The following ROCK1 variants were observed in gnomAD, a reference collection of about 807,000 sequenced individuals.
ROCK1 encodes the protein Rho associated coiled-coil containing protein kinase 1, also known as rho-associated protein kinase 1.
ROCK1 carries 36 observed loss-of-function variants against 196.8 expected under a neutral mutation model. The ratio of observed to expected loss-of-function variants is 0.18; its 90% CI spans 0.14 to 0.24. The LOEUF (loss-of-function observed/expected upper bound fraction) is 0.24, where lower values mean the gene tolerates loss of function less well. Ranked by LOEUF, ROCK1 falls within the 10% of genes least tolerant of loss-of-function variation. The pLI, the probability that ROCK1 is intolerant of heterozygous loss-of-function variation, is 1.00. For synonymous variants in ROCK1, 443 were observed against 515.9 expected (o/e 0.86, Z 1.91); for missense variants, 920 against 1,562.0 (o/e 0.59, Z 6.93).
At chr18:21,014,450 A>G (rs1054163704) in intron 13 of ROCK1, among the ~76,000 whole-genome samples, 1 of 152,180 alleles carries the variant, frequency 6.6e-6, no homozygotes, top group African/African-American at 2.4e-5. Context: ...CTCTTACTCC[A>G]TCTTTCTAGA....
chr18:21,098,918 A>G (rs2036634116), intron 1 of ROCK1, among the ~76,000 whole-genome samples: 1 of 152,248 alleles, frequency 6.6e-6, no homozygotes, highest in Non-Finnish European at 1.5e-5. Context: ...TAAATGGACA[A>G]AAATTCAAAA....
intron 1 of ROCK1, among the ~76,000 whole-genome samples, chr18:21,090,040 G>T (rs796907979): frequency 5.3e-5 from 8 of 152,300 alleles, no homozygotes; most frequent in African/African-American, 1.7e-4. Context: ...AATGGTTTCT[G>T]AACTTTTTGC....
chr18:21,056,067 T>C (rs2036242689), intron 2 of ROCK1, among the ~76,000 whole-genome samples: 1 of 152,176 alleles, frequency 6.6e-6, no homozygotes, highest in African/African-American at 2.4e-5. Flanking sequence ...CCTTAGTAGT[T>C]TTCAGTTGCC....
chr18:20,970,558 C>T (rs747574617), intron 22 of ROCK1, 45 bp from the exon 23 acceptor site: 2 of 1,325,774 alleles, frequency 1.5e-6, no homozygotes, highest in South Asian at 2.7e-5. Flanking sequence ...AAATTCAGTT[C>T]ATCCTTCCAA....
chr18:21,057,909 G>A (rs543420808), intron 2 of ROCK1, among the ~76,000 whole-genome samples: 13 of 152,272 alleles, frequency 8.5e-5, no homozygotes, highest in East Asian at 3.9e-4. Context: ...CTAAGGAAAT[G>A]AGATACAATG....
intron 29 of ROCK1, among the ~76,000 whole-genome samples, chr18:20,959,494 G>T (rs1038988068): frequency 6.6e-6 from 1 of 151,328 alleles, no homozygotes; most frequent in East Asian, 2.0e-4. Flanking sequence ...TTACAGGTGT[G>T]AGTCACCGCA....
chr18:21,028,973 T>C (rs1338966815), intron 9 of ROCK1, 38 bp from the exon 10 acceptor site: 1 of 1,588,118 alleles, frequency 6.3e-7, no homozygotes, highest in Non-Finnish European at 8.6e-7. Flanking sequence ...ACTTCAAACT[T>C]AAAATACAAG....
At chr18:20,952,241 C>T (rs2035195730) in intron 32 of ROCK1, among the ~76,000 whole-genome samples, 1 of 151,672 alleles carries the variant, frequency 6.6e-6, no homozygotes, top group South Asian at 2.1e-4. Context: ...AATTAGCAGG[C>T]CGTGGTGGCA....
Position 20,994,627 on chromosome 18 carries a change from T to G in ROCK1, c.1886-1690A>C, listed in dbSNP as rs2035655017. ...ACAAAGATAGTAATTCAGATTAATC[T>G]TTGAATTTTTCATGTAGAAGCAGCT... On this transcript the variant is annotated intron_variant, in intron 16 of 32. Transcript: ENST00000399799. Among the ~76,000 whole-genome samples the G allele has an allele frequency of 2.0e-5, 3 of 152,202 alleles. No individual in the cohort carries two copies. The South Asian group carries it at 6.2e-4, about 32-fold the overall frequency.
intron 11 of ROCK1, among the ~76,000 whole-genome samples, chr18:21,023,347 T>G (rs1003003852): frequency 6.6e-6 from 1 of 152,132 alleles, no homozygotes; most frequent in African/African-American, 2.4e-5. Context: ...CATTGATATA[T>G]CATAGTTCCT....
chr18:20,952,857 G>A (rs2035203747), intron 32 of ROCK1, among the ~76,000 whole-genome samples: 1 of 151,810 alleles, frequency 6.6e-6, no homozygotes, highest in African/African-American at 2.4e-5. Context: ...ATCATTCTCA[G>A]CAAACTAACA....
In ROCK1 at chr18:20,992,831, C is replaced by T; in HGVS notation, c.1992G>A (p.Lys664=). Reference sequence around the variant, plus strand: ...AATTGGTATATGTTAAATCATTTACCTTTTCTGAGTGATTAAGCATGTCTT... The same window carrying T: ...AATTGGTATATGTTAAATCATTTACTTTTTCTGAGTGATTAAGCATGTCTT... ...EAQDMLNHSE[K]EKNNLEIDLN... The change falls in exon 17 of 33, where the codon AAG becomes AAA. Residue 664 remains lysine, a splice_region_variant and synonymous_variant. Coordinates refer to ENST00000399799, the MANE Select transcript of ROCK1 (RefSeq NM_005406.3). The T allele has an allele frequency of 6.4e-7, 1 of 1,559,832 alleles. No individual in the cohort carries two copies. Among genetic ancestry groups the T allele is most frequent in the Non-Finnish European group, 8.8e-7 (1 of 1,132,618 alleles).
Position 21,039,608 on chromosome 18 carries a change from T to A in ROCK1, c.960-45A>T, listed in dbSNP as rs190358441. On this transcript the variant is annotated intron_variant, in intron 8 of 32. Transcript: ENST00000399799. Reference sequence around the variant, plus strand: ...GAAAAGTAATCAATCATTTAAGATCTTATTATAACCTGTCCAGGTTTATTT... The same window carrying A: ...GAAAAGTAATCAATCATTTAAGATCATATTATAACCTGTCCAGGTTTATTT... 108 of 1,350,836 alleles carry A rather than the reference T, an allele frequency of 8.0e-5. No individual in the cohort carries two copies. The East Asian group carries it at 2.4e-3, about 30-fold the overall frequency. 83.7% of individuals were successfully genotyped at this position (1,350,836 alleles called of 1,614,324 possible). A position where few individuals can be genotyped will look rare whatever the true frequency, so the allele number is the denominator to read the frequency against.
intron 27 of ROCK1, among the ~76,000 whole-genome samples, chr18:20,962,911 C>T (rs932476816): frequency 2.2e-4 from 33 of 152,060 alleles, no homozygotes; most frequent in African/African-American, 6.8e-4. Context: ...CCTTTCCTTA[C>T]GCCTACCATA....
intron 21 of ROCK1, among the ~76,000 whole-genome samples, chr18:20,982,290 C>T (rs1198315937): frequency 6.6e-6 from 1 of 152,202 alleles, no homozygotes; most frequent in Non-Finnish European, 1.5e-5. Flanking sequence ...CAGAGTCTTG[C>T]TGTCACCCAG....
intron 10 of ROCK1, among the ~76,000 whole-genome samples, chr18:21,026,426 A>G (rs797000819): frequency 4.7e-4 from 71 of 149,516 alleles, no homozygotes; most frequent in African/African-American, 1.7e-3. Flanking sequence ...CCTGGGCAAC[A>G]AGAGCAAAAC....
intron 1 of ROCK1, among the ~76,000 whole-genome samples, chr18:21,075,309 T>C (rs1005913941): frequency 3.9e-5 from 6 of 152,084 alleles, no homozygotes; most frequent in African/African-American, 1.2e-4. Context: ...AAGAATCTGA[T>C]GAATAATTGA....
intron 19 of ROCK1, 56 bp downstream of exon 19, chr18:20,986,894 C>G: frequency 6.9e-7 from 1 of 1,445,410 alleles, no homozygotes; most frequent in Non-Finnish European, 9.4e-7. Flanking sequence ...CCAGTCATAA[C>G]TTATATAACC....
intron 9 of ROCK1, among the ~76,000 whole-genome samples, chr18:21,035,919 G>A (rs2036053132): frequency 6.6e-6 from 1 of 152,140 alleles, no homozygotes; most frequent in South Asian, 2.1e-4. Flanking sequence ...CAGGGAAATG[G>A]AGAGTTACTA....
Sources: allele counts gnomAD v4.1 joint callset (sites outside exome capture counted in the v4.1 genomes callset), GRCh38; gene constraint gnomAD v4.1.1; transcripts MANE v1.5; gene names NCBI Gene and HGNC (gene_info 2026-07-23, HGNC 2026-07-21).